PTAR1: variants seen among roughly 807,000 people sequenced by gnomAD.
PTAR1 encodes protein prenyltransferase alpha subunit repeat-containing protein 1.
In PTAR1, 17 loss-of-function variants were observed where a neutral mutation model predicts 45.5. The ratio of observed to expected loss-of-function variants is 0.37; its 90% CI spans 0.26 to 0.56. The LOEUF (loss-of-function observed/expected upper bound fraction) is 0.56. Ranked by LOEUF, PTAR1 falls within the 20% of genes least tolerant of loss-of-function variation. PTAR1 has a pLI of 0.77. For missense variants in PTAR1, 391 were observed against 476.3 expected, an observed-to-expected ratio of 0.82 and a Z score of 1.67; for synonymous variants, 169 against 171.3, an observed-to-expected ratio of 0.99 and a Z score of 0.11.
chr9:69,736,137 C>T lies in PTAR1; in HGVS notation c.324-1883G>A, dbSNP rs987407646. 7.2e-5 allele frequency among the ~76,000 whole-genome samples: 11 copies of T among 152,166 alleles called. 1 individual carries two copies. In the South Asian group the frequency reaches 1.0e-3, roughly 14 times the overall value. The stretch of plus-strand genomic sequence containing the variant: ...TGAAAGCAATGTTTCTCAAAGTGAA[C>T]CCTGACTGCAACATCAGCATCATCT... On this transcript the variant is annotated intron_variant, in intron 3 of 7. Transcript: ENST00000340434.
chr9:69,759,794 T>C, intron 1 of PTAR1, 59 bp downstream of exon 1: 1 of 1,487,268 alleles, frequency 6.7e-7, no homozygotes, highest in South Asian at 1.3e-5. Flanking sequence ...GGTGGACGCT[T>C]GGCCCCGCCC....
chr9:69,729,479 C>T (rs773746746), intron 5 of PTAR1, among the ~76,000 whole-genome samples: 2 of 152,180 alleles, frequency 1.3e-5, no homozygotes, highest in Non-Finnish European at 2.9e-5. Context: ...TGAAGGGCTA[C>T]AGCTTTTCTA....
chr9:69,740,024 T>C (rs567551701), intron 3 of PTAR1, among the ~76,000 whole-genome samples: 51 of 152,280 alleles, frequency 3.3e-4, no homozygotes, highest in African/African-American at 1.1e-3. Flanking sequence ...TTTTATTTCA[T>C]AGATAAAAAA....
At chr9:69,722,042 T>A (rs1342863452) in intron 6 of PTAR1, among the ~76,000 whole-genome samples, 1 of 152,198 alleles carries the variant, frequency 6.6e-6, no homozygotes, top group Non-Finnish European at 1.5e-5. Flanking sequence ...GTCTTGGTTT[T>A]AAGAGAAAAA....
Position 69,723,340 on chromosome 9 carries a change from G to A in PTAR1, c.933C>T (p.Thr311=), listed in dbSNP as rs535816019. ...CCTTTTCTTACCTATGACACCAAAG[G>A]GTTTCATGTCCTGGGTAGGAATCAA... ...DLIDSYPGHE[T]LWCHRRHIFY... Residue 311 remains threonine, a synonymous_variant, in exon 6 of 8, where the codon ACC becomes ACT. Transcript: ENST00000340434. The A allele has an allele frequency of 1.2e-6, 2 of 1,613,154 alleles. No homozygotes were observed. The highest frequency in any genetic ancestry group is 1.7e-6 in the Non-Finnish European group (2 of 1,179,500).
intron 1 of PTAR1, among the ~76,000 whole-genome samples, chr9:69,753,443 A>T (rs1301606783): frequency 6.6e-6 from 1 of 152,114 alleles, no homozygotes; most frequent in Non-Finnish European, 1.5e-5. Flanking sequence ...ATTATCTCTG[A>T]TTTTCTCCTA....
chr9:69,747,683 T>C (rs746360019), intron 2 of PTAR1, among the ~76,000 whole-genome samples: 6 of 152,186 alleles, frequency 3.9e-5, no homozygotes, highest in Non-Finnish European at 5.9e-5. Context: ...CAGCCAACTA[T>C]TGCCAGGTAG....
At chr9:69,738,392 AAG>A (rs1825887685) in intron 3 of PTAR1, among the ~76,000 whole-genome samples, 1 of 152,214 alleles carries the variant, frequency 6.6e-6, no homozygotes, top group African/African-American at 2.4e-5. Context: ...GCTCAACCTT[AAG>A]AAATACAGAG....
chr9:69,733,241 T>G (rs1200607818), intron 4 of PTAR1, among the ~76,000 whole-genome samples: 1 of 152,174 alleles, frequency 6.6e-6, no homozygotes, highest in Non-Finnish European at 1.5e-5. Flanking sequence ...CACACAGTCA[T>G]ATACCCTTCT....
At chr9:69,758,269 G>C (rs1218007054) in intron 1 of PTAR1, 1 of 152,154 alleles carries the variant, frequency 6.6e-6, no homozygotes, top group African/African-American at 2.4e-5. Context: ...CCTCAAAGAA[G>C]AGAACATAAG....
chr9:69,722,939 C>CAA (rs35037746), intron 6 of PTAR1, among the ~76,000 whole-genome samples: 34,281 of 99,330 alleles, frequency 0.35, 5,586 homozygotes, highest in Admixed American at 0.43. Context: ...AACTCTATCT[C>CAA]AAAAAAAAAA....
chr9:69,748,732 A>T (rs1826388228), intron 2 of PTAR1, among the ~76,000 whole-genome samples: 1 of 152,014 alleles, frequency 6.6e-6, no homozygotes, highest in Non-Finnish European at 1.5e-5. Flanking sequence ...TTTTCCTAAC[A>T]TTTTTGACAT....
chr9:69,716,845 G>A lies in PTAR1; in HGVS notation c.*1497C>T, dbSNP rs1343025815. 1 of 152,008 alleles carries A rather than the reference G, an allele frequency of 6.6e-6. No homozygotes were observed. Among genetic ancestry groups the A allele is most frequent in the Admixed American group, 6.6e-5 (1 of 15,244 alleles). 9.4% of individuals were successfully genotyped at this position (152,008 alleles called of 1,614,324 possible). A position where few individuals can be genotyped will look rare whatever the true frequency, so the allele number is the denominator to read the frequency against. ...GAGGTATGAAATTCATTGCAAATAG[G>A]GGGTAGAAATCTTGAAGACACACCC... is the stretch of plus-strand genomic sequence containing the variant. On this transcript the variant is annotated 3_prime_UTR_variant, in exon 8 of 8. Coordinates refer to ENST00000340434, the MANE Select transcript of PTAR1 (RefSeq NM_001099666.2).
chr9:69,733,203 T>G (rs956454443), intron 4 of PTAR1, among the ~76,000 whole-genome samples: 2 of 152,126 alleles, frequency 1.3e-5, no homozygotes, highest in African/African-American at 4.8e-5. Context: ...TCCTTTCCCC[T>G]GCCACCATCC....
chr9:69,727,422 C>T (rs1001294978), intron 5 of PTAR1, among the ~76,000 whole-genome samples: 1 of 151,908 alleles, frequency 6.6e-6, no homozygotes, highest in Admixed American at 6.6e-5. Flanking sequence ...TATCCTTCTG[C>T]GCTTGGCTTA....
chr9:69,711,075 T>C lies in PTAR1; in HGVS notation c.*7267A>G, dbSNP rs1025128569. ...TAAAATCATAACTGGCCTTTTTTTT[T>C]CTCCCTCTCCTTTTTTAATCTTTTG... On this transcript the variant is annotated 3_prime_UTR_variant, in exon 8 of 8. Transcript: ENST00000340434. 4 of 152,160 alleles carry C rather than the reference T, an allele frequency of 2.6e-5. No individual in the cohort carries two copies. Among genetic ancestry groups the C allele is most frequent in the Non-Finnish European group, 2.9e-5 (2 of 68,014 alleles). The allele number at this position is 152,160 out of a possible 1,614,324, so 9.4% of individuals were successfully genotyped here.
At chr9:69,745,525 C>T (rs1826237539) in intron 2 of PTAR1, among the ~76,000 whole-genome samples, 1 of 152,204 alleles carries the variant, frequency 6.6e-6, no homozygotes, top group Non-Finnish European at 1.5e-5. Flanking sequence ...GACTTCTGTA[C>T]AGCAGCACAA....
At position 69,709,800 on chromosome 9, in the gene PTAR1, A is replaced by T. The variant is rs1824454739; in HGVS notation, c.*8542T>A. 1 of 152,182 alleles carries T rather than the reference A, an allele frequency of 6.6e-6. No individual in the cohort carries two copies. 9.4% of individuals were successfully genotyped at this position (152,182 alleles called of 1,614,324 possible). Reference sequence around the variant, plus strand: ...TACATGATTATATTGTAAGAATAATATAAAAACAAAATAGGTAAGATATAC... The same window carrying T: ...TACATGATTATATTGTAAGAATAATTTAAAAACAAAATAGGTAAGATATAC... On this transcript the variant is annotated 3_prime_UTR_variant, in exon 8 of 8. Coordinates refer to ENST00000340434, the MANE Select transcript of PTAR1 (RefSeq NM_001099666.2).
rs772623528 is a variant in PTAR1 at position 69,759,958 on chromosome 9, G to A, written c.-20C>T. On this transcript the variant is annotated 5_prime_UTR_variant, in exon 1 of 8. Transcript: ENST00000340434. The stretch of plus-strand genomic sequence containing the variant: ...GGCCATGTTGGCGGCGGCCGCGACA[G>A]TTCGGGCGCGCCTCCGCGTGAGCCG... The A allele has an allele frequency of 2.0e-6, 3 of 1,470,664 alleles. No homozygotes were observed. The highest frequency in any genetic ancestry group is 2.7e-6 in the Non-Finnish European group (3 of 1,106,330). The allele number at this position is 1,470,664 out of a possible 1,614,324, so 91.1% of individuals were successfully genotyped here.
Sources: allele counts gnomAD v4.1 joint callset (sites outside exome capture counted in the v4.1 genomes callset), GRCh38; gene constraint gnomAD v4.1.1; transcripts MANE v1.5; gene names NCBI Gene and HGNC (gene_info 2026-07-23, HGNC 2026-07-21).